Variants in MKLN1 observed in about 807,000 individuals in gnomAD.
The protein encoded by MKLN1 is muskelin 1.
In MKLN1, 18 loss-of-function variants were observed where a neutral mutation model predicts 99.0. The ratio of observed to expected loss-of-function variants is 0.18; its 90% CI spans 0.13 to 0.27. MKLN1 has a LOEUF of 0.27. Ranked by LOEUF, MKLN1 falls within the 10% of genes least tolerant of loss-of-function variation. The pLI is 1.00. For synonymous variants in MKLN1, 288 were observed against 293.2 expected (o/e 0.98, Z 0.18); for missense variants, 621 against 875.9 (o/e 0.71, Z 3.67).
chr7:131,448,750 A>C (rs1327463535), intron 12 of MKLN1, among the ~76,000 whole-genome samples: 1 of 152,222 alleles, frequency 6.6e-6, no homozygotes, highest in Non-Finnish European at 1.5e-5. Context: ...AATCAAAATC[A>C]CCATTTTTTA....
chr7:131,262,821 C>A (rs1797752751), intron 3 of MKLN1, among the ~76,000 whole-genome samples: 1 of 152,132 alleles, frequency 6.6e-6, no homozygotes, highest in Non-Finnish European at 1.5e-5. Flanking sequence ...GCTGGGATTA[C>A]AGGCATGAGC....
At chr7:131,311,111 A>G (rs2116638512) in intron 3 of MKLN1, 2 of 152,288 alleles carry the variant, frequency 1.3e-5, no homozygotes, top group South Asian at 2.1e-4. Context: ...TCTAAGGAAC[A>G]CATCAGTTTA....
At chr7:131,482,531 T>A (rs999623458) in intron 17 of MKLN1, among the ~76,000 whole-genome samples, 2 of 152,126 alleles carry the variant, frequency 1.3e-5, no homozygotes, top group Non-Finnish European at 2.9e-5. Flanking sequence ...AGGAAAAAAA[T>A]GAGAATTCAT....
chr7:131,192,098 G>GTA (rs1164946612), intron 2 of MKLN1, among the ~76,000 whole-genome samples: 1 of 72,936 alleles, frequency 1.4e-5, no homozygotes, highest in African/African-American at 5.8e-5. Flanking sequence ...ATATATATAT[G>GTA]TATATATATA....
intron 2 of MKLN1, among the ~76,000 whole-genome samples, chr7:131,381,642 A>G (rs946530993): frequency 6.6e-6 from 1 of 152,062 alleles, no homozygotes; most frequent in Non-Finnish European, 1.5e-5. Context: ...CACCACCACC[A>G]CTGCCATCAT....
intron 1 of MKLN1, among the ~76,000 whole-genome samples, chr7:131,347,123 A>G (rs1042928570): frequency 1.3e-5 from 2 of 152,178 alleles, no homozygotes; most frequent in Non-Finnish European, 2.9e-5. Context: ...ATAATTATAT[A>G]TAGCAGCCCT....
At chr7:131,366,197 A>G (rs1049219767) in intron 1 of MKLN1, among the ~76,000 whole-genome samples, 3 of 152,174 alleles carry the variant, frequency 2.0e-5, no homozygotes, top group African/African-American at 7.2e-5. Flanking sequence ...TTAGTGACCA[A>G]GCTCCAAAAT....
chr7:131,337,747 ATTAATGTATG>A (rs989185045), intron 1 of MKLN1, among the ~76,000 whole-genome samples: 5 of 150,554 alleles, frequency 3.3e-5, no homozygotes, highest in African/African-American at 4.9e-5. Context: ...ATATTTGTAT[ATTAATGTATG>A]TTAATTATAT....
At chr7:131,421,435 A>T (rs1795189220) in intron 8 of MKLN1, among the ~76,000 whole-genome samples, 1 of 152,124 alleles carries the variant, frequency 6.6e-6, no homozygotes, top group Admixed American at 6.6e-5. Context: ...AGCCACATAT[A>T]ATAGGTAGGT....
rs375815063 is a variant in MKLN1, at chr7:131,475,100, GC to G, written c.2032-3522del. On this transcript the variant is annotated intron_variant, in intron 16 of 17. Transcript: ENST00000352689. ...TCCCCCAATTCAACATGAGATTTGG[GC>G]AAGGATGCAAATCCAAACTATATCA... Among the ~76,000 whole-genome samples the G allele has an allele frequency of 3.5e-3, 533 of 152,204 alleles. 2 individuals are homozygous for G. Among genetic ancestry groups the G allele is most frequent in the African/African-American group, 0.012 (507 of 41,522 alleles).
intron 1 of MKLN1, among the ~76,000 whole-genome samples, chr7:131,344,693 C>T (rs1297856919): frequency 6.6e-6 from 1 of 152,186 alleles, no homozygotes; most frequent in Non-Finnish European, 1.5e-5. Flanking sequence ...GGTCTATTCA[C>T]CAGCAGTATT....
chr7:131,411,888 C>G (rs115135615), intron 7 of MKLN1, among the ~76,000 whole-genome samples: 3,255 of 103,024 alleles, frequency 0.032, 131 homozygotes, highest in African/African-American at 0.11. Flanking sequence ...GCCTGGGAGA[C>G]AGATGGAGAT....
chr7:131,485,213 C>G (rs7786848), intron 17 of MKLN1, among the ~76,000 whole-genome samples: 21,694 of 151,886 alleles, frequency 0.14, 1,841 homozygotes, highest in African/African-American at 0.22. Flanking sequence ...TCTCACTGGT[C>G]AAATCTAGGA....
chr7:131,186,483 G>A (rs778063888), intron 2 of MKLN1, among the ~76,000 whole-genome samples: 1 of 152,126 alleles, frequency 6.6e-6, no homozygotes, highest in Non-Finnish European at 1.5e-5. Flanking sequence ...CCTCTGGGCT[G>A]GGAGATAGTT....
chr7:131,291,831 A>T (rs1798223359), intron 3 of MKLN1, among the ~76,000 whole-genome samples: 3 of 151,804 alleles, frequency 2.0e-5, no homozygotes, highest in Non-Finnish European at 4.4e-5. Context: ...TAGGCCAGGC[A>T]TGGCAGCTCA....
At chr7:131,284,981 AG>A (rs1008672155) in intron 3 of MKLN1, 1 of 152,230 alleles carries the variant, frequency 6.6e-6, no homozygotes, top group Non-Finnish European at 1.5e-5. Context: ...TGGAAGGTAG[AG>A]GCTTCTTGAG....
At chr7:131,118,800 C>T (rs1445439842) in intron 1 of MKLN1, among the ~76,000 whole-genome samples, 1 of 152,188 alleles carries the variant, frequency 6.6e-6, no homozygotes, top group Non-Finnish European at 1.5e-5. Context: ...ATCTTGAGAA[C>T]TCACTGACTA....
intron 17 of MKLN1, 92 bp downstream of exon 17, chr7:131,478,769 G>A: frequency 7.2e-7 from 1 of 1,392,242 alleles, no homozygotes; most frequent in Non-Finnish European, 1.0e-6. Context: ...CAGGTGAGAT[G>A]TTTCAGTCAA....
chr7:131,226,600 G>C (rs1349257748), intron 3 of MKLN1, among the ~76,000 whole-genome samples: 1 of 152,128 alleles, frequency 6.6e-6, no homozygotes, highest in African/African-American at 2.4e-5. Context: ...GAAAGGAATT[G>C]TCATTTCACT....
Sources: gnomAD v4.1 joint callset for allele counts (sites outside exome capture counted in the v4.1 genomes callset) on GRCh38, gnomAD v4.1.1 for gene constraint, MANE v1.5 for transcripts, NCBI Gene and HGNC (gene_info 2026-07-23, HGNC 2026-07-21) for gene names.